LNX2: variants seen among roughly 807,000 people sequenced by gnomAD.
LNX2 encodes ligand of Numb protein X 2.
A neutral mutation model predicts 66.2 loss-of-function variants in LNX2; 35 were observed. The observed-to-expected ratio is 0.53, with a 90% CI of 0.40 to 0.70. The LOEUF is 0.70. Ranked by LOEUF, LNX2 falls within the 30% of genes least tolerant of loss-of-function variation. LNX2 has a pLI of 0.00. For missense variants in LNX2, 791 were observed against 850.8 expected, an observed-to-expected ratio of 0.93 and a Z score of 0.87; for synonymous variants, 337 against 315.6, an observed-to-expected ratio of 1.07 and a Z score of -0.72.
At chr13:27,573,179 A>G (rs1224745562) in intron 2 of LNX2, among the ~76,000 whole-genome samples, 1 of 152,196 alleles carries the variant, frequency 6.6e-6, no homozygotes, top group East Asian at 1.9e-4. Context: ...ATATTGGAAA[A>G]GCAACAGCCC....
chr13:27,607,493 C>G (rs1027171807), intron 1 of LNX2, among the ~76,000 whole-genome samples: 1 of 152,106 alleles, frequency 6.6e-6, no homozygotes, highest in Non-Finnish European at 1.5e-5. Flanking sequence ...TGAAAAACTT[C>G]AAAATAAAAC....
chr13:27,563,141 C>T (rs575605907), intron 4 of LNX2, among the ~76,000 whole-genome samples: 1 of 152,162 alleles, frequency 6.6e-6, no homozygotes, highest in South Asian at 2.1e-4. Context: ...TTCATGGGAT[C>T]AGTATGAGAA....
At chr13:27,554,722 C>T (rs961061387) in intron 7 of LNX2, among the ~76,000 whole-genome samples, 56 of 152,124 alleles carry the variant, frequency 3.7e-4, no homozygotes, top group Non-Finnish European at 4.3e-4. Flanking sequence ...GTATGAACAG[C>T]TGTTTTCATT....
chr13:27,619,243 T>C (rs1029153212), intron 1 of LNX2, among the ~76,000 whole-genome samples: 1 of 133,770 alleles, frequency 7.5e-6, no homozygotes, highest in Non-Finnish European at 1.7e-5. Context: ...AACTTTGTTA[T>C]TCATGGCTCA....
rs1425885200 is a variant in LNX2, at chr13:27,620,362, CAA to C, written c.-101+11_-101+12del. 6.5e-6 allele frequency: 1 copy of C among 152,892 alleles called. No individual in the cohort carries two copies. The highest frequency in any genetic ancestry group is 1.5e-5 in the Non-Finnish European group (1 of 68,234). 9.5% of individuals were successfully genotyped at this position (152,892 alleles called of 1,614,324 possible). A position where few individuals can be genotyped will look rare whatever the true frequency, so the allele number is the denominator to read the frequency against. ...AGGGCGCGCAGCGAGGCGGGCAGGG[CAA>C]AGTTACTCACTGGGAAAGCGCGGCT... On this transcript the variant is annotated intron_variant, in intron 1 of 9. Coordinates refer to ENST00000316334, the MANE Select transcript of LNX2 (RefSeq NM_153371.4).
At chr13:27,617,581 G>C (rs564001459) in intron 1 of LNX2, among the ~76,000 whole-genome samples, 1 of 152,176 alleles carries the variant, frequency 6.6e-6, no homozygotes, top group Non-Finnish European at 1.5e-5. Flanking sequence ...ATATTTTAAG[G>C]ATAGAAATGC....
Position 27,562,425 on chromosome 13 carries a change from G to A in LNX2, c.1212C>T (p.Ala404=), listed in dbSNP as rs201968655. ...DLKYGTPELA[A]QIIQASGERV... ...CAAGAGGGTTTACCTGAATAATCTGGGCAGCAAGCTCCGGAGTTCCATACT... is the reference window on the plus strand; with the variant it reads ...CAAGAGGGTTTACCTGAATAATCTGAGCAGCAAGCTCCGGAGTTCCATACT... Residue 404 remains alanine (A), a synonymous_variant, in exon 5 of 10, where the codon GCC becomes GCT. Transcript: ENST00000316334. 4.3e-6 allele frequency: 7 copies of A among 1,613,292 alleles called. No homozygotes were observed. The African/African-American group carries it at 8.0e-5, about 18-fold the overall frequency.
chr13:27,573,118 A>G (rs1350696689), intron 2 of LNX2, among the ~76,000 whole-genome samples: 1 of 152,186 alleles, frequency 6.6e-6, no homozygotes, highest in Non-Finnish European at 1.5e-5. Flanking sequence ...GTAAGAAGAG[A>G]GAGCTCTGTG....
At chr13:27,560,565 G>GTGTATATATATATATATATATATATATA (rs35007288) in intron 5 of LNX2, among the ~76,000 whole-genome samples, 19 of 119,998 alleles carry the variant, frequency 1.6e-4, no homozygotes, top group South Asian at 1.0e-3. Flanking sequence ...ATGTATGTGT[G>GTGTATATATATATATATATATATATATA]TATATATATA....
At chr13:27,551,549 G>C (rs763766516) in intron 8 of LNX2, among the ~76,000 whole-genome samples, 8 of 151,698 alleles carry the variant, frequency 5.3e-5, no homozygotes, top group Non-Finnish European at 1.2e-4. Context: ...TCATCTTTAG[G>C]TGAAACTGGA....
chr13:27,614,616 A>G (rs1364654816), intron 1 of LNX2, among the ~76,000 whole-genome samples: 1 of 152,174 alleles, frequency 6.6e-6, no homozygotes, highest in African/African-American at 2.4e-5. Flanking sequence ...CTCTATTGCA[A>G]TTCCCTGCCT....
intron 2 of LNX2, among the ~76,000 whole-genome samples, chr13:27,574,613 GGA>G (rs936409375): frequency 6.6e-6 from 1 of 151,700 alleles, no homozygotes; most frequent in Non-Finnish European, 1.5e-5. Context: ...AGTTCCAAAA[GGA>G]GAGAGAGTGA....
At chr13:27,605,518 T>C (rs1226214161) in intron 1 of LNX2, among the ~76,000 whole-genome samples, 1 of 152,200 alleles carries the variant, frequency 6.6e-6, no homozygotes, top group African/African-American at 2.4e-5. Context: ...ACAATTATGA[T>C]TCTATCAAAA....
intron 1 of LNX2, among the ~76,000 whole-genome samples, chr13:27,607,382 C>T (rs1000741496): frequency 2.6e-5 from 4 of 152,178 alleles, no homozygotes; most frequent in Non-Finnish European, 1.5e-5. Context: ...AATCAGGGCA[C>T]TAAAGTCTTA....
intron 1 of LNX2, among the ~76,000 whole-genome samples, chr13:27,582,634 C>G (rs1475617098): frequency 6.6e-6 from 1 of 152,090 alleles, no homozygotes; most frequent in Non-Finnish European, 1.5e-5. Context: ...AATCAACTAA[C>G]ACAGGAACAG....
intron 1 of LNX2, among the ~76,000 whole-genome samples, chr13:27,587,576 G>A (rs1172463428): frequency 6.6e-6 from 1 of 152,162 alleles, no homozygotes; most frequent in East Asian, 1.9e-4. Flanking sequence ...TATGAACCCA[G>A]CCCGTTAATT....
intron 2 of LNX2, among the ~76,000 whole-genome samples, chr13:27,570,798 C>T (rs149609832): frequency 1.3e-5 from 2 of 152,150 alleles, no homozygotes; most frequent in East Asian, 3.9e-4. Flanking sequence ...ACAAGAATAG[C>T]TAGTGTTCAA....
intron 2 of LNX2, among the ~76,000 whole-genome samples, chr13:27,574,595 A>G (rs528741300): frequency 1.3e-5 from 2 of 152,180 alleles, no homozygotes; most frequent in South Asian, 2.1e-4. Context: ...AAACATATAC[A>G]TAATGAGAGT....
intron 1 of LNX2, among the ~76,000 whole-genome samples, chr13:27,593,271 CA>C (rs1955563505): frequency 6.6e-6 from 1 of 152,104 alleles, no homozygotes; most frequent in Non-Finnish European, 1.5e-5. Flanking sequence ...CCATCACGTA[CA>C]AAAACATTCA....
Sources: allele counts gnomAD v4.1 joint callset (sites outside exome capture counted in the v4.1 genomes callset), GRCh38; gene constraint gnomAD v4.1.1; transcripts MANE v1.5; gene names NCBI Gene and HGNC (gene_info 2026-07-23, HGNC 2026-07-21).